Variants in PEX26 observed in about 807,000 individuals in gnomAD.
PEX26 encodes peroxisome assembly protein 26.
Under a neutral mutation model 31.4 loss-of-function variants are expected in PEX26, and 18 were observed. The ratio of observed to expected loss-of-function variants is 0.57; its 90% CI spans 0.40 to 0.85. The LOEUF is 0.85. Ranked by LOEUF, PEX26 falls within the 40% of genes least tolerant of loss-of-function variation. The pLI is 0.00. For missense variants in PEX26, 377 were observed against 383.9 expected, an observed-to-expected ratio of 0.98 and a Z score of 0.15; for synonymous variants, 176 against 166.9, an observed-to-expected ratio of 1.05 and a Z score of -0.42.
rs953770075 is a variant in PEX26, at chr22:18,095,259, G to A, written c.*7184G>A. On this transcript the variant is annotated 3_prime_UTR_variant, in exon 5 of 5. Coordinates refer to ENST00000399744, the MANE Select transcript of PEX26 (RefSeq NM_001127649.3). ...GCTCCCTCCAGAGAAAGAGCAGGAG[G>A]TGTTCTTCTCAGATGTACCAGCAAT... 3.3e-5 allele frequency: 5 copies of A among 152,218 alleles called. No individual in the cohort carries two copies. The highest frequency in any genetic ancestry group is 1.2e-4 in the African/African-American group (5 of 41,434). 9.4% of individuals were successfully genotyped at this position (152,218 alleles called of 1,614,324 possible). A position where few individuals can be genotyped will look rare whatever the true frequency, so the allele number is the denominator to read the frequency against.
Position 18,092,797 on chromosome 22 carries a change from C to A in PEX26, c.*4722C>A, listed in dbSNP as rs1233754569. On this transcript the variant is annotated 3_prime_UTR_variant, in exon 5 of 5. Transcript: ENST00000399744. ...AGGAGTTCAAAGCTAGCCTGGGCAACCTAGTGGGACCCCATTTCTTTTTTT... is the reference window on the plus strand; with the variant it reads ...AGGAGTTCAAAGCTAGCCTGGGCAAACTAGTGGGACCCCATTTCTTTTTTT... The A allele has an allele frequency of 5.4e-5, 5 of 92,876 alleles. No individual in the cohort carries two copies. In the East Asian group the frequency reaches 1.7e-3, roughly 31 times the overall value. The allele number at this position is 92,876 out of a possible 1,614,324, so 5.8% of individuals were successfully genotyped here.
Position 18,096,315 on chromosome 22 carries a change from T to C in PEX26, c.*8240T>C, listed in dbSNP as rs1187717980. On this transcript the variant is annotated 3_prime_UTR_variant, in exon 5 of 5. Coordinates refer to ENST00000399744, the MANE Select transcript of PEX26 (RefSeq NM_001127649.3). ...ATTAAGTGAGGTAAGGAGGGGAGAG[T>C]TGGAGTGGTAGAACCCAGCATCTTG... 1 of 151,830 alleles carries C rather than the reference T, an allele frequency of 6.6e-6. No individual in the cohort carries two copies. 9.4% of individuals were successfully genotyped at this position (151,830 alleles called of 1,614,324 possible).
chr22:18,082,580 A>C (rs361780), intron 2 of PEX26, among the ~76,000 whole-genome samples: 2 of 152,052 alleles, frequency 1.3e-5, no homozygotes, highest in Admixed American at 6.6e-5. Context: ...ATGCCATAAC[A>C]TGCTGTTATG....
intron 1 of PEX26, 80 bp downstream of exon 1, chr22:18,078,686 C>A: frequency 7.8e-7 from 1 of 1,277,842 alleles, no homozygotes; most frequent in East Asian, 2.5e-5. Context: ...TCTGTCCTTC[C>A]CAGATTGCCC....
intron 2 of PEX26, 103 bp downstream of exon 2, chr22:18,080,117 C>T: frequency 1.6e-6 from 2 of 1,285,898 alleles, no homozygotes; most frequent in Non-Finnish European, 2.2e-6. Context: ...TATTGCCCTC[C>T]AGATCGGATT....
chr22:18,094,842 G>A lies in PEX26; in HGVS notation c.*6767G>A, dbSNP rs573667472. On this transcript the variant is annotated 3_prime_UTR_variant, in exon 5 of 5. Coordinates refer to ENST00000399744, the MANE Select transcript of PEX26 (RefSeq NM_001127649.3). ...GTCACCTAGGCTGGAGTGCAGTGGT[G>A]CGATCTCGGCTCACTGCACCCTCCT... 214 of 150,124 alleles carry A rather than the reference G, an allele frequency of 1.4e-3. 1 individual carries two copies. The highest frequency in any genetic ancestry group is 4.9e-3 in the African/African-American group (199 of 40,630). The allele number at this position is 150,124 out of a possible 1,614,324, so 9.3% of individuals were successfully genotyped here.
rs1766505608 is a variant in PEX26 at position 18,078,121 on chromosome 22, G to T, written c.-256G>T. On this transcript the variant is annotated 5_prime_UTR_variant, in exon 1 of 5. The change creates a new upstream start codon in the 5' untranslated region. Transcript: ENST00000399744. The stretch of plus-strand genomic sequence containing the variant: ...ACGTGTCGCGGGGCCGGAGAAGCTA[G>T]GGCCAGGTATTCCAGGGATGCAAGA... The T allele has an allele frequency of 3.1e-6, 2 of 653,544 alleles. No individual in the cohort carries two copies. The highest frequency in any genetic ancestry group is 3.0e-5 in the South Asian group (2 of 66,362). The allele number at this position is 653,544 out of a possible 1,614,324, so 40.5% of individuals were successfully genotyped here.
At chr22:18,085,862 ACT>A (rs1480995020) in intron 4 of PEX26, among the ~76,000 whole-genome samples, 1 of 151,976 alleles carries the variant, frequency 6.6e-6, no homozygotes, top group East Asian at 1.9e-4. Context: ...ATAGAGCGAG[ACT>A]CTGTCTCAAA....
intron 4 of PEX26, among the ~76,000 whole-genome samples, chr22:18,086,169 G>A (rs913369253): frequency 1.3e-5 from 2 of 151,342 alleles, no homozygotes; most frequent in East Asian, 2.0e-4. Context: ...GTGGTGGTGC[G>A]TGCCTGTAAT....
In PEX26 at chr22:18,104,275, AC is replaced by A. The variant is rs1302197986; in HGVS notation, c.*16202del. 3 of 152,252 alleles carry A rather than the reference AC, an allele frequency of 2.0e-5. No individual in the cohort carries two copies. The highest frequency in any genetic ancestry group is 7.3e-5 in the African/African-American group (3 of 41,340). 9.4% of individuals were successfully genotyped at this position (152,252 alleles called of 1,614,324 possible). A position where few individuals can be genotyped will look rare whatever the true frequency, so the allele number is the denominator to read the frequency against. ...GAGTGCAATGGCGCGATCTCGGCTC[AC>A]CACAACTTCCACCTCCCAGGTTCAA... On this transcript the variant is annotated 3_prime_UTR_variant, in exon 5 of 5. Coordinates refer to ENST00000399744, the MANE Select transcript of PEX26 (RefSeq NM_001127649.3).
chr22:18,083,826 G>A (rs1926723819), intron 3 of PEX26, 94 bp downstream of exon 3: 1 of 1,165,120 alleles, frequency 8.6e-7, no homozygotes, highest in East Asian at 2.5e-5. Flanking sequence ...GAGCTTAGAA[G>A]CAGTTCTTTG....
At position 18,078,364 on chromosome 22, in the gene PEX26, A is replaced by G; in HGVS notation, c.-13A>G. 1 of 1,584,154 alleles carries G rather than the reference A, an allele frequency of 6.3e-7. No homozygotes were observed. ...CGACGTCTGAGGACCTGGGCCTTGG[A>G]CCCGGACTCGTTATGAAGAGCGATT... On this transcript the variant is annotated 5_prime_UTR_variant, in exon 1 of 5. Coordinates refer to ENST00000399744, the MANE Select transcript of PEX26 (RefSeq NM_001127649.3).
In PEX26 at chr22:18,078,622, G is replaced by T; in HGVS notation, c.230+16G>T. 1.3e-6 allele frequency: 2 copies of T among 1,592,406 alleles called. No individual in the cohort carries two copies. Among genetic ancestry groups the T allele is most frequent in the Non-Finnish European group, 8.5e-7 (1 of 1,172,068 alleles). On this transcript the variant is annotated intron_variant, in intron 1 of 4. Coordinates refer to ENST00000399744, the MANE Select transcript of PEX26 (RefSeq NM_001127649.3). Reference sequence around the variant, plus strand: ...CCGCGGGCACGTACGTGCTGGGCTCGGAAATGAACCGATTTCCGGGCGCTC... The same window carrying T: ...CCGCGGGCACGTACGTGCTGGGCTCTGAAATGAACCGATTTCCGGGCGCTC...
rs1055672932 is a variant in PEX26, at chr22:18,085,248, A to G, written c.804A>G (p.Arg268=). 2.5e-6 allele frequency: 4 copies of G among 1,613,790 alleles called. No homozygotes were observed. In the African/African-American group the frequency reaches 4.0e-5, roughly 16 times the overall value. ...TGATCCTCTGTCTCCTGGTGGTGAGATTTGATCCAGGTAAGAGGTGGAGAC... is the reference window on the plus strand; with the variant it reads ...TGATCCTCTGTCTCCTGGTGGTGAGGTTTGATCCAGGTAAGAGGTGGAGAC... The part of the protein sequence containing the change: ...AALILCLLVV[R]FDPASPSSLH... Residue 268 remains arginine, a synonymous_variant, in exon 4 of 5, where the codon AGA becomes AGG. Coordinates refer to ENST00000399744, the MANE Select transcript of PEX26 (RefSeq NM_001127649.3).
Position 18,085,134 on chromosome 22 carries a change from G to C in PEX26, c.690G>C (p.Leu230=). The C allele has an allele frequency of 6.2e-7, 1 of 1,614,146 alleles. No homozygotes were observed. ...CAGGCTCTGTCTCCCACAAGTTCCT[G>C]TCACTACCGATGTTGGTTCGCCAGC... ...NLEGSVSHKF[L]SLPMLVRQLW... Residue 230 remains leucine, a synonymous_variant, in exon 4 of 5, where the codon CTG becomes CTC. Transcript: ENST00000399744.
At position 18,088,681 on chromosome 22, in the gene PEX26, C is replaced by G. The variant is rs1926948753; in HGVS notation, c.*606C>G. On this transcript the variant is annotated 3_prime_UTR_variant, in exon 5 of 5. Coordinates refer to ENST00000399744, the MANE Select transcript of PEX26 (RefSeq NM_001127649.3). The surrounding 1 kb of genome is among the most constrained non-coding windows in gnomAD (Gnocchi z 4.1). ...GTCCTAGCTACTTGGGAGGCTGAGG[C>G]AGGAGAATCACTTGAGCCAGGGAGG... The G allele has an allele frequency of 5.8e-6, 1 of 171,604 alleles. No individual in the cohort carries two copies. Among genetic ancestry groups the G allele is most frequent in the African/African-American group, 2.4e-5 (1 of 41,732 alleles). 10.6% of individuals were successfully genotyped at this position (171,604 alleles called of 1,614,324 possible).
chr22:18,084,953 C>A (rs1926778361), intron 3 of PEX26, among the ~76,000 whole-genome samples, 159 bp from the exon 4 acceptor site: 1 of 152,164 alleles, frequency 6.6e-6, no homozygotes, highest in Middle Eastern at 3.4e-3. Context: ...GATCTCCTGA[C>A]CTTGTGATCC....
At chr22:18,084,013 G>A (rs1189712433) in intron 3 of PEX26, among the ~76,000 whole-genome samples, 3 of 152,262 alleles carry the variant, frequency 2.0e-5, no homozygotes, top group South Asian at 4.2e-4. Flanking sequence ...CCTCTGATGA[G>A]GTCTCTTGCT....
rs776705824 is a variant in PEX26, at chr22:18,088,213, T to A, written c.*138T>A. ...GCGGAGTGCACTGTGTCTTGCTGCC[T>A]GGGTGCCCTCTCCTTTGCACCCTAC... On this transcript the variant is annotated 3_prime_UTR_variant, in exon 5 of 5. Transcript: ENST00000399744. The surrounding 1 kb of genome is among the most constrained non-coding windows in gnomAD (Gnocchi z 4.1). The A allele has an allele frequency of 1.3e-5, 10 of 752,598 alleles. No homozygotes were observed. Among genetic ancestry groups the A allele is most frequent in the Non-Finnish European group, 1.7e-5 (7 of 415,964 alleles). The allele number at this position is 752,598 out of a possible 1,614,324, so 46.6% of individuals were successfully genotyped here.
Sources: allele counts gnomAD v4.1 joint callset (sites outside exome capture counted in the v4.1 genomes callset), GRCh38; gene constraint gnomAD v4.1.1; non-coding constraint Gnocchi (gnomAD v3.1); transcripts MANE v1.5; gene names NCBI Gene and HGNC (gene_info 2026-07-23, HGNC 2026-07-21).